FRMD4B: variants seen among roughly 807,000 people sequenced by gnomAD.
FRMD4B encodes FERM domain-containing protein 4B.
A neutral mutation model predicts 141.5 loss-of-function variants in FRMD4B; 74 were observed. The ratio of observed to expected loss-of-function variants is 0.52; its 90% confidence interval spans 0.43 to 0.63. The LOEUF (loss-of-function observed/expected upper bound fraction) is 0.63, where lower values mean the gene tolerates loss of function less well. Ranked by LOEUF, FRMD4B falls within the 30% of genes least tolerant of loss-of-function variation. The probability of loss-of-function intolerance (pLI) is 0.00; values close to 1 mark genes in which losing one functional copy is unlikely to be tolerated. For missense variants in FRMD4B, 1,366 were observed against 1,253.4 expected (o/e 1.09, Z -1.36); for synonymous variants, 506 against 467.9 (o/e 1.08, Z -1.05).
intron 1 of FRMD4B, among the ~76,000 whole-genome samples, chr3:69,440,807 C>CA (rs992951605): frequency 4.4e-4 from 65 of 146,878 alleles, no homozygotes; most frequent in East Asian, 9.9e-4. Context: ...GAGACTCTGT[C>CA]AAAAAAAAAA....
At chr3:69,437,723 A>T (rs1374276516) in intron 1 of FRMD4B, among the ~76,000 whole-genome samples, 1 of 130,734 alleles carries the variant, frequency 7.6e-6, no homozygotes, top group African/African-American at 3.0e-5. Context: ...AATATATATA[A>T]ATACATATTA....
intron 1 of FRMD4B, among the ~76,000 whole-genome samples, chr3:69,461,431 G>T (rs933196128): frequency 6.6e-6 from 1 of 151,042 alleles, no homozygotes. Context: ...AAATAACCAG[G>T]CTGGGCAACA....
At chr3:69,403,929 C>G (rs1455246878) in intron 2 of FRMD4B, among the ~76,000 whole-genome samples, 1 of 151,126 alleles carries the variant, frequency 6.6e-6, no homozygotes, top group Non-Finnish European at 1.5e-5. Context: ...GACAGGGTCT[C>G]TCTTGTCACC....
At chr3:69,240,537 A>C (rs1392154530) in intron 7 of FRMD4B, among the ~76,000 whole-genome samples, 1 of 151,832 alleles carries the variant, frequency 6.6e-6, no homozygotes, top group Non-Finnish European at 1.5e-5. Flanking sequence ...ATCAATGCAG[A>C]TAATGTTTTC....
intron 2 of FRMD4B, among the ~76,000 whole-genome samples, chr3:69,431,012 G>C (rs1217265532): frequency 6.6e-6 from 1 of 152,172 alleles, no homozygotes; most frequent in Non-Finnish European, 1.5e-5. Flanking sequence ...AAAGATACAG[G>C]AACAAGGGAG....
chr3:69,333,400 A>T (rs560883927), intron 1 of FRMD4B, among the ~76,000 whole-genome samples: 1 of 152,336 alleles, frequency 6.6e-6, no homozygotes, highest in South Asian at 2.1e-4. Context: ...TGGAGAAAAA[A>T]GATATGAACC....
intron 1 of FRMD4B, among the ~76,000 whole-genome samples, chr3:69,509,782 A>T (rs1706660344): frequency 6.6e-6 from 1 of 151,884 alleles, no homozygotes; most frequent in Non-Finnish European, 1.5e-5. Context: ...TATTGGTGCC[A>T]TTTTTCCAAC....
chr3:69,253,397 T>C (rs1488912304), intron 5 of FRMD4B, among the ~76,000 whole-genome samples: 1 of 151,992 alleles, frequency 6.6e-6, no homozygotes, highest in Non-Finnish European at 1.5e-5. Flanking sequence ...TGGAAACAGG[T>C]GAGGCTGTGG....
intron 1 of FRMD4B, among the ~76,000 whole-genome samples, chr3:69,456,506 A>G (rs1052593166): frequency 6.6e-6 from 1 of 152,122 alleles, no homozygotes; most frequent in African/African-American, 2.4e-5. Context: ...TGGTTGCAAA[A>G]GTTATGCTAC....
At chr3:69,212,370 A>G (rs1445013079) in intron 11 of FRMD4B, among the ~76,000 whole-genome samples, 45 of 91,852 alleles carry the variant, frequency 4.9e-4, no homozygotes, top group Non-Finnish European at 6.6e-4. Flanking sequence ...AAAAAAAAAA[A>G]AAAAAAAAAA....
intron 2 of FRMD4B, among the ~76,000 whole-genome samples, chr3:69,408,880 G>A (rs938686165): frequency 7.9e-5 from 12 of 152,090 alleles, no homozygotes; most frequent in Admixed American, 3.3e-4. Context: ...TTTTAGAGAG[G>A]CCAGTGAGAA....
intron 1 of FRMD4B, among the ~76,000 whole-genome samples, chr3:69,488,817 C>T (rs979251292): frequency 5.5e-5 from 8 of 146,784 alleles, no homozygotes; most frequent in African/African-American, 1.5e-4. Context: ...CACTCGAACC[C>T]AGAAGGCAGA....
chr3:69,393,168 A>G (rs1409518448), intron 2 of FRMD4B, among the ~76,000 whole-genome samples: 1 of 152,152 alleles, frequency 6.6e-6, no homozygotes, highest in Non-Finnish European at 1.5e-5. Flanking sequence ...TTCAGCGTCT[A>G]TTCTTTGGCT....
chr3:69,526,836 T>G (rs1477428396), intron 1 of FRMD4B, among the ~76,000 whole-genome samples: 1 of 152,088 alleles, frequency 6.6e-6, no homozygotes, highest in Non-Finnish European at 1.5e-5. Context: ...GTTAAAAAGG[T>G]GGTTAAGTGA....
chr3:69,390,721 A>G (rs904090827), upstream of FRMD4B, among the ~76,000 whole-genome samples: 7 of 151,996 alleles, frequency 4.6e-5, no homozygotes, highest in Admixed American at 3.9e-4. Flanking sequence ...GACAAAACCA[A>G]TCTCTACTAA....
intron 5 of FRMD4B, among the ~76,000 whole-genome samples, chr3:69,254,564 G>A (rs1404320233): frequency 2.6e-5 from 4 of 152,164 alleles, no homozygotes; most frequent in Non-Finnish European, 5.9e-5. Flanking sequence ...ACCCTGTGAT[G>A]AGATATTGCC....
intron 2 of FRMD4B, among the ~76,000 whole-genome samples, chr3:69,427,643 G>GTTTTTTTGTTT (rs1705106086): frequency 6.6e-4 from 24 of 36,246 alleles, no homozygotes; most frequent in African/African-American, 2.4e-3. Context: ...CTAGGTAAAT[G>GTTTTTTTGTTT]TTTTTTTTTT....
chr3:69,174,425 G>A (rs2092621951), intron 22 of FRMD4B, among the ~76,000 whole-genome samples: 1 of 152,138 alleles, frequency 6.6e-6, no homozygotes, highest in African/African-American at 2.4e-5. Context: ...CATGTTAAGT[G>A]GACAGAGAAA....
chr3:69,440,989 T>TTTTCCTGAAGCAGATGTATATTTTCTTA (rs1251609219), intron 1 of FRMD4B, among the ~76,000 whole-genome samples: 1 of 152,236 alleles, frequency 6.6e-6, no homozygotes, highest in African/African-American at 2.4e-5. Context: ...AATAACCTTT[T>TTTTCCTGAAGCAGATGTATATTTTCTTA]TTTCCTGAAG....
Sources: allele counts gnomAD v4.1 joint callset (sites outside exome capture counted in the v4.1 genomes callset), GRCh38; gene constraint gnomAD v4.1.1; transcripts MANE v1.5; gene names NCBI Gene and HGNC (gene_info 2026-07-23, HGNC 2026-07-21).